ANO10: variants seen among roughly 807,000 people sequenced by gnomAD.
ANO10 encodes anoctamin 10.
In ANO10, 77 loss-of-function variants were observed where a neutral mutation model predicts 74.7. The ratio of observed to expected loss-of-function variants is 1.03; its 90% CI spans 0.86 to 1.25. The LOEUF (loss-of-function observed/expected upper bound fraction) is 1.25, where lower values mean the gene tolerates loss of function less well. ANO10 is among the 50% of genes most tolerant of loss of function. ANO10 has a pLI of 0.00. For synonymous variants in ANO10, 279 were observed against 284.9 expected, an observed-to-expected ratio of 0.98 and a Z score of 0.21; for missense variants, 721 against 778.1, an observed-to-expected ratio of 0.93 and a Z score of 0.87.
chr3:43,586,806 G>A (rs2081501848), intron 4 of ANO10, among the ~76,000 whole-genome samples: 1 of 152,066 alleles, frequency 6.6e-6, no homozygotes, highest in Admixed American at 6.5e-5. Context: ...GCTCAGAGAA[G>A]CAATGCAAGA....
intron 1 of ANO10, among the ~76,000 whole-genome samples, chr3:43,629,010 C>T (rs1260119079): frequency 6.6e-6 from 1 of 152,238 alleles, no homozygotes; most frequent in Non-Finnish European, 1.5e-5. Context: ...CTGTGACCCA[C>T]ACCTATTCGC....
chr3:43,593,926 C>A (rs2081944243), intron 4 of ANO10, among the ~76,000 whole-genome samples: 1 of 152,042 alleles, frequency 6.6e-6, no homozygotes. Context: ...ATCTACCAAG[C>A]AAATGGAAAA....
At chr3:43,415,013 C>T (rs1218890418) in intron 12 of ANO10, among the ~76,000 whole-genome samples, 2 of 121,610 alleles carry the variant, frequency 1.6e-5, no homozygotes, top group Non-Finnish European at 3.2e-5. Context: ...CTTACTCTGT[C>T]ACCCAGGCTG....
chr3:43,378,497 A>T (rs2091873351), intron 12 of ANO10, among the ~76,000 whole-genome samples: 1 of 152,244 alleles, frequency 6.6e-6, no homozygotes, highest in Non-Finnish European at 1.5e-5. Context: ...TTTTCCCCAC[A>T]TCTGAACACT....
chr3:43,648,673 C>CTTTTTT (rs57098436), intron 1 of ANO10, among the ~76,000 whole-genome samples: 4 of 111,266 alleles, frequency 3.6e-5, no homozygotes, highest in East Asian at 2.5e-4. Context: ...TTTTAGCCCG[C>CTTTTTT]TTTTTTTTTT....
At chr3:43,494,473 G>GAATA (rs1259431194) in intron 11 of ANO10, among the ~76,000 whole-genome samples, 1 of 151,880 alleles carries the variant, frequency 6.6e-6, no homozygotes, top group Non-Finnish European at 1.5e-5. Context: ...AAAATAGAAT[G>GAATA]AATAAATAAA....
intron 3 of ANO10, among the ~76,000 whole-genome samples, chr3:43,599,691 G>A (rs1340681618): frequency 6.6e-6 from 1 of 152,068 alleles, no homozygotes; most frequent in Non-Finnish European, 1.5e-5. Flanking sequence ...AGAACACGAG[G>A]TCAGGAGATC....
chr3:43,437,469 T>G (rs1028363326), intron 11 of ANO10, among the ~76,000 whole-genome samples: 2 of 152,210 alleles, frequency 1.3e-5, no homozygotes, highest in African/African-American at 2.4e-5. Flanking sequence ...ACTTTCTGTC[T>G]TTTCAGAGGA....
chr3:43,384,430 C>T (rs375216941), intron 12 of ANO10, among the ~76,000 whole-genome samples: 1 of 152,110 alleles, frequency 6.6e-6, no homozygotes, highest in East Asian at 1.9e-4. Context: ...AAAAACAATC[C>T]TAAAATTCAT....
chr3:43,552,696 G>GGA (rs1320372022), intron 10 of ANO10, among the ~76,000 whole-genome samples: 10 of 51,180 alleles, frequency 2.0e-4, no homozygotes, highest in African/African-American at 7.4e-4. Flanking sequence ...TATTATCTCT[G>GGA]GATATATATA....
intron 11 of ANO10, among the ~76,000 whole-genome samples, chr3:43,544,533 C>T (rs1348877440): frequency 6.6e-6 from 1 of 152,052 alleles, no homozygotes; most frequent in East Asian, 1.9e-4. Context: ...TGGTTCACAC[C>T]TGTAATCCCA....
chr3:43,617,995 C>T (rs2083203621), intron 1 of ANO10: 1 of 152,222 alleles, frequency 6.6e-6, no homozygotes, highest in East Asian at 1.9e-4. Context: ...CTCCAGAGGA[C>T]CCGAGATGCA....
chr3:43,691,154 C>A lies in ANO10; in HGVS notation c.-12+363G>T, dbSNP rs1318185870. 6.2e-5 allele frequency: 68 copies of A among 1,090,446 alleles called. 1 individual carries two copies. Among genetic ancestry groups the A allele is most frequent in the Admixed American group, 8.5e-5 (2 of 23,616 alleles). The allele number at this position is 1,090,446 out of a possible 1,614,324, so 67.5% of individuals were successfully genotyped here. On this transcript the variant is annotated intron_variant, in intron 1 of 3. Transcript: ENST00000413397. ...TCGCCGCCCGCCTGGCGACGACGGG[C>A]GGCTTCCTCGACCCTCCCCGGCATG...
At chr3:43,392,268 T>TC (rs75089248) in intron 12 of ANO10, among the ~76,000 whole-genome samples, 79,769 of 152,072 alleles carry the variant, frequency 0.52, 21,621 homozygotes, top group East Asian at 0.77. Flanking sequence ...ACACTTTTAT[T>TC]CCCCAGTTCC....
intron 11 of ANO10, among the ~76,000 whole-genome samples, chr3:43,509,439 G>A (rs1171464338): frequency 6.6e-6 from 1 of 152,206 alleles, no homozygotes; most frequent in Non-Finnish European, 1.5e-5. Context: ...ATAAGCACTT[G>A]AAAAGTTGTT....
intron 11 of ANO10, among the ~76,000 whole-genome samples, chr3:43,505,738 A>G (rs73083006): frequency 0.026 from 3,991 of 152,302 alleles, 78 homozygotes; most frequent in Non-Finnish European, 0.039. Flanking sequence ...TGAATTTGTT[A>G]TTATTCTGCA....
At chr3:43,647,492 G>T (rs2083740166) in intron 1 of ANO10, among the ~76,000 whole-genome samples, 1 of 152,008 alleles carries the variant, frequency 6.6e-6, no homozygotes, top group Admixed American at 6.6e-5. Context: ...CTTGGGTGAT[G>T]CCCACACACC....
At chr3:43,652,319 T>C (rs947325010) in intron 1 of ANO10, among the ~76,000 whole-genome samples, 2 of 152,176 alleles carry the variant, frequency 1.3e-5, no homozygotes, top group African/African-American at 2.4e-5. Context: ...AATACATCAA[T>C]GGGATAGAAT....
intron 11 of ANO10, chr3:43,485,379 G>T: frequency 2.2e-6 from 1 of 450,568 alleles, no homozygotes; most frequent in Non-Finnish European, 4.1e-6. Flanking sequence ...GCTCCTGATC[G>T]GGCTAAAGAC....
Sources: gnomAD v4.1 joint callset for allele counts (sites outside exome capture counted in the v4.1 genomes callset) on GRCh38, gnomAD v4.1.1 for gene constraint, MANE v1.5 for transcripts, NCBI Gene and HGNC (gene_info 2026-07-23, HGNC 2026-07-21) for gene names.